MED15: variants seen among roughly 807,000 people sequenced by gnomAD.
The protein encoded by MED15 is mediator of RNA polymerase II transcription subunit 15.
MED15 carries 41 observed loss-of-function variants against 118.7 expected under a neutral mutation model. The observed-to-expected ratio is 0.35, with a 90% CI of 0.27 to 0.45. The LOEUF is 0.45. Among genes scored for constraint, MED15 ranks in the 20% least tolerant of loss-of-function variants. The probability of loss-of-function intolerance (pLI) is 1.00; values close to 1 mark genes in which losing one functional copy is unlikely to be tolerated. For missense variants in MED15, 740 were observed against 1,025.5 expected, an observed-to-expected ratio of 0.72 and a Z score of 3.80; for synonymous variants, 436 against 413.9, an observed-to-expected ratio of 1.05 and a Z score of -0.65.
intron 1 of MED15, among the ~76,000 whole-genome samples, chr22:20,531,226 A>G (rs2054850703): frequency 6.6e-6 from 1 of 152,170 alleles, no homozygotes; most frequent in Non-Finnish European, 1.5e-5. Context: ...AGTCTCATTC[A>G]GATTACAAGG....
Position 20,552,991 on chromosome 22 carries a change from A to G in MED15, c.209-154A>G. 3.0e-6 allele frequency: 2 copies of G among 671,234 alleles called. 1 individual carries two copies. The allele number at this position is 671,234 out of a possible 1,614,324, so 41.6% of individuals were successfully genotyped here. On this transcript the variant is annotated intron_variant, in intron 3 of 17. Coordinates refer to ENST00000263205, the MANE Select transcript of MED15 (RefSeq NM_001003891.3). Reference sequence around the variant, plus strand: ...GTCTCTTGTGGGGTCAGCGCTGCCAAGAGTAGAAACACTTCCCCCAGTAGT... The same window carrying G: ...GTCTCTTGTGGGGTCAGCGCTGCCAGGAGTAGAAACACTTCCCCCAGTAGT...
In MED15 at chr22:20,516,381, G is replaced by A. The variant is rs531394701; in HGVS notation, c.68+8635G>A. ...ATGAATGGTTGCTGAACCACAGCAGGACAAGACAGACAAACCCCTTTTATT... is the reference window on the plus strand; with the variant it reads ...ATGAATGGTTGCTGAACCACAGCAGAACAAGACAGACAAACCCCTTTTATT... On this transcript the variant is annotated intron_variant, in intron 1 of 17. Coordinates refer to ENST00000263205, the MANE Select transcript of MED15 (RefSeq NM_001003891.3). Among the ~76,000 whole-genome samples the A allele has an allele frequency of 2.4e-3, 364 of 152,106 alleles. 5 individuals carry two copies. Among genetic ancestry groups the A allele is most frequent in the South Asian group, 7.9e-3 (38 of 4,806 alleles).
intron 7 of MED15, 41 bp downstream of exon 7, chr22:20,566,858 G>A: frequency 6.3e-7 from 1 of 1,599,090 alleles, no homozygotes; most frequent in Non-Finnish European, 8.5e-7. Context: ...TGCAGCCCGT[G>A]GCTCTGTCAG....
intron 16 of MED15, 61 bp downstream of exon 16, chr22:20,585,328 C>G (rs1239278733): frequency 6.3e-7 from 1 of 1,579,930 alleles, no homozygotes; most frequent in African/African-American, 1.3e-5. Flanking sequence ...AGCCCCAGGA[C>G]TCTGCCATCC....
At position 20,585,193 on chromosome 22, in the gene MED15, A is replaced by G; in HGVS notation, c.2057A>G (p.Asp686Gly). ...SVLQGEVARL[D>G]PKFLVNLDPS... ...CTCCAGGGTGAGGTGGCCAGGCTGG[A>G]CCCCAAGTTCCTGGTAAACCTGGAC... Residue 686 changes from aspartate (D) to glycine (G), a missense_variant, in exon 16 of 18, where the codon GAC (aspartate) becomes GGC (glycine). Asp to Gly is a moderately conservative substitution (Grantham distance 94). Around this residue, in one of 7 missense-constraint regions of MED15, gnomAD observed 179 missense variants for 259.0 expected, o/e 0.69. Transcript: ENST00000263205. 7.4e-6 allele frequency: 12 copies of G among 1,613,616 alleles called. No homozygotes were observed. The highest frequency in any genetic ancestry group is 1.0e-5 in the Non-Finnish European group (12 of 1,179,984).
At chr22:20,513,799 A>G (rs1422101465) in intron 1 of MED15, among the ~76,000 whole-genome samples, 1 of 152,194 alleles carries the variant, frequency 6.6e-6, no homozygotes, top group East Asian at 1.9e-4. Flanking sequence ...AAGCCTGGTT[A>G]GGGAAATTGA....
rs750640382 is a variant in MED15 at position 20,582,895 on chromosome 22, T to A, written c.1465T>A (p.Ser489Thr). The A allele has an allele frequency of 2.5e-6, 4 of 1,613,486 alleles. No individual in the cohort carries two copies. The Admixed American group carries it at 6.7e-5, about 27-fold the overall frequency. ...CCTGCCCAGCCCCTCACCGCAGCCC[T>A]CCCAGAGCCCAGTGACGGCGCGGAC... ...SFLPSPSPQP[S>T]QSPVTARTPQ... The change falls in exon 11 of 18, where the codon TCC becomes ACC. Residue 489 changes from serine to threonine, a missense_variant. Coordinates refer to ENST00000263205, the MANE Select transcript of MED15 (RefSeq NM_001003891.3).
chr22:20,583,691 C>G (rs767651734), intron 13 of MED15: 2 of 414,280 alleles, frequency 4.8e-6, no homozygotes, highest in Non-Finnish European at 9.0e-6. Context: ...GCCTGACCAT[C>G]AGCTGGCCCA....
chr22:20,587,580 C>A lies in MED15; in HGVS notation c.*876C>A, dbSNP rs2057172160. The stretch of plus-strand genomic sequence containing the variant: ...GTCCCCCCTTTTTATGTGCACTACC[C>A]CACCATCTGTGATTATAATAAATTT... On this transcript the variant is annotated 3_prime_UTR_variant, in exon 18 of 18. Coordinates refer to ENST00000263205, the MANE Select transcript of MED15 (RefSeq NM_001003891.3). 6.8e-6 allele frequency: 3 copies of A among 439,946 alleles called. No individual in the cohort carries two copies. The highest frequency in any genetic ancestry group is 3.8e-5 in the Admixed American group (1 of 26,176). 27.3% of individuals were successfully genotyped at this position (439,946 alleles called of 1,614,324 possible). A position where few individuals can be genotyped will look rare whatever the true frequency, so the allele number is the denominator to read the frequency against.
chr22:20,510,431 G>A (rs542150542), intron 1 of MED15, among the ~76,000 whole-genome samples: 30 of 152,300 alleles, frequency 2.0e-4, no homozygotes, highest in Non-Finnish European at 3.2e-4. Flanking sequence ...GGTAGTTTCT[G>A]TAGGTCAGAG....
chr22:20,574,778 C>G (rs529152486), intron 8 of MED15: 1 of 230,904 alleles, frequency 4.3e-6, no homozygotes, highest in Non-Finnish European at 8.8e-6. Flanking sequence ...AGGTCTGGCT[C>G]TGATGGTTCT....
At chr22:20,541,403 T>A (rs1365174616) in intron 2 of MED15, among the ~76,000 whole-genome samples, 1 of 152,066 alleles carries the variant, frequency 6.6e-6, no homozygotes, top group Admixed American at 6.6e-5. Flanking sequence ...AAAACCACAA[T>A]GAGATGCCAC....
At position 20,582,956 on chromosome 22, in the gene MED15, T is replaced by C. The variant is rs1379159654; in HGVS notation, c.1526T>C (p.Leu509Ser). ...QNFSVPSPGP[L>S]NTPVNPSSVM... is the part of the protein sequence containing the mutation. ...TTCAGTGTCCCCTCACCTGGACCTT[T>C]AAACACACCTGGTAAGTTGGGCCTG... is the stretch of plus-strand genomic sequence containing the variant. The change falls in exon 11 of 18, where the codon TTA becomes TCA. Residue 509 changes from leucine (L) to serine (S), a missense_variant. Transcript: ENST00000263205. 1.2e-6 allele frequency: 2 copies of C among 1,613,330 alleles called. No individual in the cohort carries two copies. Among genetic ancestry groups the C allele is most frequent in the African/African-American group, 2.7e-5 (2 of 74,916 alleles).
At chr22:20,576,519 T>A (rs1268320648) in intron 9 of MED15, among the ~76,000 whole-genome samples, 2 of 152,288 alleles carry the variant, frequency 1.3e-5, no homozygotes, top group African/African-American at 4.8e-5. Context: ...CTTCCCTGCA[T>A]ACTAACCCCC....
chr22:20,549,774 G>A (rs1162817564), intron 2 of MED15, among the ~76,000 whole-genome samples: 3 of 152,154 alleles, frequency 2.0e-5, no homozygotes, highest in East Asian at 3.9e-4. Context: ...TGGAGCAGAT[G>A]GCAGTGGCTG....
rs145649096 is a variant in MED15, at chr22:20,586,590, G to A, written c.2253G>A (p.Ser751=). The A allele has an allele frequency of 8.1e-5, 130 of 1,612,836 alleles. No individual in the cohort carries two copies. In the East Asian group the frequency reaches 2.5e-3, roughly 30 times the overall value. Residue 751 remains serine, a synonymous_variant, in exon 18 of 18, where the codon TCG becomes TCA. Coordinates refer to ENST00000263205, the MANE Select transcript of MED15 (RefSeq NM_001003891.3). ...WQYDANPFLQ[S]VHRCMTSRLL... ...CAGACGCCAACCCCTTCCTCCAGTCGGTGCACCGCTGCATGACCTCCAGGC... is the reference window on the plus strand; with the variant it reads ...CAGACGCCAACCCCTTCCTCCAGTCAGTGCACCGCTGCATGACCTCCAGGC...
intron 9 of MED15, among the ~76,000 whole-genome samples, chr22:20,580,705 G>A (rs1392767342): frequency 1.3e-5 from 2 of 152,176 alleles, no homozygotes; most frequent in African/African-American, 4.8e-5. Flanking sequence ...ACCTGGATAA[G>A]TCTAGAACAT....
At chr22:20,546,244 C>T (rs550304071) in intron 2 of MED15, among the ~76,000 whole-genome samples, 50 of 152,286 alleles carry the variant, frequency 3.3e-4, no homozygotes, top group Admixed American at 2.9e-3. Flanking sequence ...ATCCTGCCTG[C>T]CCCCTCCTTC....
chr22:20,553,060 G>A (rs2055846595), intron 3 of MED15, 85 bp from the exon 4 acceptor site: 2 of 1,311,416 alleles, frequency 1.5e-6, no homozygotes. Flanking sequence ...TTGGGCAAAT[G>A]CCTACAGAAC....
Sources: gnomAD v4.1 joint callset for allele counts (sites outside exome capture counted in the v4.1 genomes callset) on GRCh38, gnomAD v4.1.1 for gene constraint, gnomAD v4.1.1 regional missense constraint, MANE v1.5 for transcripts, NCBI Gene and HGNC (gene_info 2026-07-23, HGNC 2026-07-21) for gene names.